MAP3K13: variants seen among roughly 807,000 people sequenced by gnomAD.
MAP3K13 encodes leucine zipper-bearing kinase.
MAP3K13 carries 52 observed loss-of-function variants against 104.0 expected under a neutral mutation model. That is an observed-to-expected ratio of 0.50 (90% CI 0.40 to 0.63). The LOEUF (loss-of-function observed/expected upper bound fraction) is 0.63, where lower values mean the gene tolerates loss of function less well. Among genes scored for constraint, MAP3K13 ranks in the 20% least tolerant of loss-of-function variants. MAP3K13 has a pLI of 0.00. For synonymous variants in MAP3K13, 394 were observed against 442.2 expected, an observed-to-expected ratio of 0.89 and a Z score of 1.37; for missense variants, 914 against 1,218.5, an observed-to-expected ratio of 0.75 and a Z score of 3.72.
chr3:185,448,760 TG>T (rs1354137218), intron 5 of MAP3K13, among the ~76,000 whole-genome samples: 1 of 152,220 alleles, frequency 6.6e-6, no homozygotes, highest in Non-Finnish European at 1.5e-5. Flanking sequence ...CTTGGATTTT[TG>T]CCAATCATAT....
chr3:185,460,635 A>G (rs1463513815), intron 7 of MAP3K13, among the ~76,000 whole-genome samples: 1 of 152,204 alleles, frequency 6.6e-6, no homozygotes, highest in Non-Finnish European at 1.5e-5. Context: ...CTTTTCCATG[A>G]GATTCTAAGT....
Position 185,284,316 on chromosome 3 carries a change from A to G in MAP3K13, c.-204-1209A>G, listed in dbSNP as rs547472744. On this transcript the variant is annotated intron_variant, in intron 1 of 14. Transcript: ENST00000424227. ...AATCCAGAGATTACAGCTGGTGTTT[A>G]TAAGTAAGGTTAACTCCTTCTGAAC... Among the ~76,000 whole-genome samples the G allele has an allele frequency of 5.3e-5, 8 of 152,364 alleles. No homozygotes were observed. The South Asian group carries it at 1.0e-3, about 20-fold the overall frequency.
At chr3:185,374,068 G>A (rs921244441) in intron 1 of MAP3K13, among the ~76,000 whole-genome samples, 4 of 152,116 alleles carry the variant, frequency 2.6e-5, no homozygotes, top group Non-Finnish European at 5.9e-5. Flanking sequence ...AGACTACAAA[G>A]TACATTGATC....
intron 1 of MAP3K13, among the ~76,000 whole-genome samples, chr3:185,374,711 T>C (rs886636166): frequency 6.6e-6 from 1 of 151,994 alleles, no homozygotes; most frequent in Non-Finnish European, 1.5e-5. Context: ...CCAGGCCAGA[T>C]TGATTTAGGT....
At chr3:185,324,021 A>AT (rs1263291228) in intron 2 of MAP3K13, among the ~76,000 whole-genome samples, 3 of 151,384 alleles carry the variant, frequency 2.0e-5, no homozygotes, top group Non-Finnish European at 2.9e-5. Context: ...TTATTTATTC[A>AT]TTTTTTTGAG....
At chr3:185,386,346 A>G (rs2108763719) in intron 1 of MAP3K13, among the ~76,000 whole-genome samples, 1 of 152,310 alleles carries the variant, frequency 6.6e-6, no homozygotes, top group East Asian at 1.9e-4. Context: ...GAGAAATGCA[A>G]ATCAAAACCA....
intron 1 of MAP3K13, among the ~76,000 whole-genome samples, chr3:185,284,264 A>G (rs898128465): frequency 2.6e-5 from 4 of 152,234 alleles, no homozygotes; most frequent in African/African-American, 9.6e-5. Context: ...ATTTTCCATT[A>G]TAAAAATGAA....
chr3:185,311,252 A>T (rs1317370127), intron 2 of MAP3K13, among the ~76,000 whole-genome samples: 1 of 152,178 alleles, frequency 6.6e-6, no homozygotes, highest in African/African-American at 2.4e-5. Flanking sequence ...ACAGTTCCAC[A>T]TGGCTGGGGA....
At chr3:185,455,184 T>G (rs1261447888) in intron 7 of MAP3K13, among the ~76,000 whole-genome samples, 3 of 104,874 alleles carry the variant, frequency 2.9e-5, no homozygotes, top group African/African-American at 1.0e-4. Flanking sequence ...ATATATGATA[T>G]ATATGAGATA....
intron 2 of MAP3K13, among the ~76,000 whole-genome samples, chr3:185,347,627 C>T (rs902924092): frequency 2.6e-5 from 4 of 152,074 alleles, no homozygotes; most frequent in African/African-American, 7.2e-5. Flanking sequence ...TTCTTTCATT[C>T]GATTGAAAAT....
intron 2 of MAP3K13, among the ~76,000 whole-genome samples, chr3:185,347,473 T>C (rs1232509044): frequency 1.3e-5 from 2 of 152,246 alleles, no homozygotes; most frequent in African/African-American, 4.8e-5. Context: ...GAATAATTAA[T>C]AGTTTAGTTA....
intron 7 of MAP3K13, among the ~76,000 whole-genome samples, chr3:185,457,159 G>A (rs957731388): frequency 1.7e-4 from 20 of 121,176 alleles, no homozygotes; most frequent in Middle Eastern, 4.4e-3. Flanking sequence ...CACCTGAACC[G>A]CTCCCAGATT....
chr3:185,404,852 G>A (rs923298201), intron 1 of MAP3K13, among the ~76,000 whole-genome samples: 1 of 152,182 alleles, frequency 6.6e-6, no homozygotes, highest in Admixed American at 6.5e-5. Flanking sequence ...AAAGTGTTGG[G>A]ATTACAGGCA....
intron 10 of MAP3K13, among the ~76,000 whole-genome samples, chr3:185,468,158 G>C (rs967456009): frequency 6.6e-6 from 1 of 151,980 alleles, no homozygotes; most frequent in African/African-American, 2.4e-5. Flanking sequence ...ATTACAATCC[G>C]ACATGAGATT....
upstream of MAP3K13, among the ~76,000 whole-genome samples, chr3:185,359,419 A>C (rs1285579411): frequency 6.6e-6 from 1 of 152,172 alleles, no homozygotes; most frequent in African/African-American, 2.4e-5. Flanking sequence ...AGATCTGTTC[A>C]AGATTTATTA....
At position 185,299,804 on chromosome 3, in the gene MAP3K13, G is replaced by GTA. The variant is rs1721037826; in HGVS notation, c.-86+14161_-86+14162insTA. On this transcript the variant is annotated intron_variant, in intron 2 of 14. Coordinates refer to the MAP3K13 transcript ENST00000424227. ...GATGGTCTCGATCTCCTGACCTCAT[G>GTA]ATCCACCCGCCTCGGCCTCCCAAAG... 2.1e-4 allele frequency among the ~76,000 whole-genome samples: 2 copies of GTA among 9,320 alleles called. 1 individual carries two copies. Among genetic ancestry groups the GTA allele is most frequent in the South Asian group, 6.9e-3 (2 of 288 alleles). The allele number at this position is 9,320 out of a possible 152,430, so 6.1% of individuals were successfully genotyped here.
chr3:185,421,420 A>G lies in MAP3K13; in HGVS notation c.-85-7077A>G, dbSNP rs1332974941. 2.6e-5 allele frequency among the ~76,000 whole-genome samples: 4 copies of G among 151,382 alleles called. No individual in the cohort carries two copies. In the East Asian group the frequency reaches 7.8e-4, roughly 29 times the overall value. Reference sequence around the variant, plus strand: ...ACCATGTTGAGCAGGCTGATCTCGAACTCCTGACCTCAGGTGATCTGCCTG... The same window carrying G: ...ACCATGTTGAGCAGGCTGATCTCGAGCTCCTGACCTCAGGTGATCTGCCTG... On this transcript the variant is annotated intron_variant, in intron 1 of 13. Transcript: ENST00000265026.
At chr3:185,421,343 G>A (rs746581837) in intron 1 of MAP3K13, among the ~76,000 whole-genome samples, 6 of 151,560 alleles carry the variant, frequency 4.0e-5, no homozygotes, top group African/African-American at 7.3e-5. Context: ...AATTACAGGC[G>A]CCTGCCACCA....
intron 1 of MAP3K13, among the ~76,000 whole-genome samples, chr3:185,409,222 G>T (rs1713289364): frequency 6.6e-6 from 1 of 152,152 alleles, no homozygotes; most frequent in Non-Finnish European, 1.5e-5. Context: ...ACAAAAATTA[G>T]CCAGGCGTGG....
Sources: allele counts gnomAD v4.1 joint callset (sites outside exome capture counted in the v4.1 genomes callset), GRCh38; gene constraint gnomAD v4.1.1; transcripts MANE v1.5; gene names NCBI Gene and HGNC (gene_info 2026-07-23, HGNC 2026-07-21).